Variants in KCNC2 observed in about 807,000 individuals in gnomAD.
KCNC2 encodes the protein potassium voltage-gated channel subfamily C member 2.
Under a neutral mutation model 44.5 loss-of-function variants are expected in KCNC2, and 21 were observed. That is an observed-to-expected ratio of 0.47 (90% CI 0.33 to 0.68). The LOEUF is 0.68. Among genes scored for constraint, KCNC2 ranks in the 30% least tolerant of loss-of-function variants. The probability of loss-of-function intolerance (pLI) is 0.01; values close to 1 mark genes in which losing one functional copy is unlikely to be tolerated. For synonymous variants in KCNC2, 391 were observed against 339.1 expected (o/e 1.15, Z -1.68); for missense variants, 589 against 826.2 (o/e 0.71, Z 3.52).
intron 2 of KCNC2, among the ~76,000 whole-genome samples, chr12:75,056,951 G>C (rs994809461): frequency 6.6e-6 from 1 of 151,912 alleles, no homozygotes; most frequent in South Asian, 2.1e-4. Context: ...TATATTTTTA[G>C]GAGTGGTTAT....
chr12:75,050,832 T>C lies in KCNC2; in HGVS notation c.1173A>G (p.Leu391=). Residue 391 remains leucine, a synonymous_variant, in exon 3 of 5, where the codon CTA becomes CTG. Coordinates refer to ENST00000549446, the MANE Select transcript of KCNC2 (RefSeq NM_139137.4). ...EFLLLIIFLA[L]GVLIFATMIY... Reference sequence around the variant, plus strand: ...TCATGGTAGCAAATATCAAAACTCCTAGAGCCAGGAAAATTATCAGCAGCA... The same window carrying C: ...TCATGGTAGCAAATATCAAAACTCCCAGAGCCAGGAAAATTATCAGCAGCA... 6.2e-7 allele frequency: 1 copy of C among 1,613,518 alleles called. No homozygotes were observed. The highest frequency in any genetic ancestry group is 8.5e-7 in the Non-Finnish European group (1 of 1,179,834).
At chr12:75,184,384 G>T (rs1448387168) in intron 2 of KCNC2, among the ~76,000 whole-genome samples, 1 of 152,116 alleles carries the variant, frequency 6.6e-6, no homozygotes, top group African/African-American at 2.4e-5. Context: ...ATAGATGTGG[G>T]TTGGCTAGAT....
chr12:75,136,608 A>G (rs554923255), intron 2 of KCNC2, among the ~76,000 whole-genome samples: 5 of 152,280 alleles, frequency 3.3e-5, no homozygotes, highest in African/African-American at 1.2e-4. Flanking sequence ...ACAGCCTCCC[A>G]AGATGAACCA....
intron 2 of KCNC2, among the ~76,000 whole-genome samples, chr12:75,121,947 TGACTCAGTG>T (rs62852660): frequency 1 from 152,070 of 152,076 alleles, 76,032 homozygotes; most frequent in Non-Finnish European, 1. Flanking sequence ...TCTTGAACAC[TGACTCAGTG>T]GACTCAGTGT....
intron 2 of KCNC2, among the ~76,000 whole-genome samples, chr12:75,202,942 T>A (rs1429230384): frequency 6.6e-6 from 1 of 151,710 alleles, no homozygotes; most frequent in Non-Finnish European, 1.5e-5. Flanking sequence ...AAGGATTATA[T>A]CTTCTCCATG....
intron 2 of KCNC2, among the ~76,000 whole-genome samples, chr12:75,103,869 T>C (rs542921498): frequency 3.9e-4 from 59 of 152,296 alleles, no homozygotes; most frequent in African/African-American, 1.4e-3. Context: ...TGTGAAATGG[T>C]CTCTCTCAAA....
Position 75,204,757 on chromosome 12 carries a change from C to T in KCNC2, c.687+2540G>A, listed in dbSNP as rs558733310. 1.6e-3 allele frequency among the ~76,000 whole-genome samples: 240 copies of T among 152,136 alleles called. 1 individual carries two copies. Among genetic ancestry groups the T allele is most frequent in the Non-Finnish European group, 2.8e-3 (191 of 67,940 alleles). ...TAACGTTGTCAGGTTATCATCTTAA[C>T]TAAAAGTGCTCAGGTAAAAATATTA... On this transcript the variant is annotated intron_variant, in intron 2 of 4. Transcript: ENST00000549446.
intron 2 of KCNC2, among the ~76,000 whole-genome samples, chr12:75,084,450 TG>T (rs1315002192): frequency 6.6e-6 from 1 of 151,880 alleles, no homozygotes; most frequent in Non-Finnish European, 1.5e-5. Flanking sequence ...AATTGAATCA[TG>T]GGGGTCAGTC....
Position 75,209,805 on chromosome 12 carries a change from C to G in KCNC2, c.-618G>C, listed in dbSNP as rs1250882860. ...CAACCAGGTTCACATATTTTTCTTC[C>G]GTGAAGCTCTGTCTCCACCCTCTCT... is the stretch of plus-strand genomic sequence containing the variant. On this transcript the variant is annotated 5_prime_UTR_variant, in exon 1 of 5. Coordinates refer to ENST00000549446, the MANE Select transcript of KCNC2 (RefSeq NM_139137.4). 6.6e-6 allele frequency: 1 copy of G among 152,104 alleles called. No individual in the cohort carries two copies. 9.4% of individuals were successfully genotyped at this position (152,104 alleles called of 1,614,324 possible).
intron 4 of KCNC2, among the ~76,000 whole-genome samples, chr12:75,044,232 A>T (rs1381563421): frequency 6.6e-6 from 1 of 152,054 alleles, no homozygotes; most frequent in African/African-American, 2.4e-5. Context: ...TGACTAAAAA[A>T]GTAGTCATGC....
At chr12:75,171,918 A>C (rs1400408546) in intron 2 of KCNC2, among the ~76,000 whole-genome samples, 1 of 151,798 alleles carries the variant, frequency 6.6e-6, no homozygotes, top group Non-Finnish European at 1.5e-5. Context: ...CACTTTAAAA[A>C]GGGTTTTTTA....
intron 4 of KCNC2, 39 bp downstream of exon 4, chr12:75,048,114 C>T (rs200221004): frequency 3.9e-4 from 618 of 1,579,598 alleles, no homozygotes; most frequent in Non-Finnish European, 5.1e-4. Flanking sequence ...CAGTTTATTG[C>T]TAAGTCACCT....
At chr12:75,191,420 T>C (rs1296375843) in intron 2 of KCNC2, among the ~76,000 whole-genome samples, 1 of 149,864 alleles carries the variant, frequency 6.7e-6, no homozygotes, top group African/African-American at 2.4e-5. Flanking sequence ...TTAAGAAAAC[T>C]TTTTGTTTTA....
At chr12:75,198,436 A>G (rs1177301099) in intron 2 of KCNC2, among the ~76,000 whole-genome samples, 1 of 151,754 alleles carries the variant, frequency 6.6e-6, no homozygotes, top group African/African-American at 2.4e-5. Context: ...CCCATTTCCT[A>G]CTCAGTCTAC....
intron 2 of KCNC2, among the ~76,000 whole-genome samples, chr12:75,151,972 T>TTTATATA (rs922845298): frequency 6.8e-6 from 1 of 146,302 alleles, no homozygotes; most frequent in African/African-American, 2.5e-5. Flanking sequence ...ATATTATACA[T>TTTATATA]TTATATATTA....
intron 2 of KCNC2, among the ~76,000 whole-genome samples, chr12:75,162,331 CT>C (rs1295294577): frequency 1.8e-4 from 28 of 151,682 alleles, no homozygotes; most frequent in Admixed American, 1.6e-3. Flanking sequence ...TCAAGGTCTG[CT>C]TTTTAAGTGT....
chr12:75,181,456 G>T (rs1892565211), intron 2 of KCNC2, among the ~76,000 whole-genome samples: 1 of 152,008 alleles, frequency 6.6e-6, no homozygotes, highest in Non-Finnish European at 1.5e-5. Flanking sequence ...TTTTAGCTTT[G>T]CCTTTGATTT....
At chr12:75,061,741 C>A (rs563649910) in intron 2 of KCNC2, among the ~76,000 whole-genome samples, 3 of 152,084 alleles carry the variant, frequency 2.0e-5, no homozygotes, top group South Asian at 2.1e-4. Context: ...AATGCTAATC[C>A]TAAAACTTTC....
intron 2 of KCNC2, among the ~76,000 whole-genome samples, chr12:75,092,590 G>A (rs1180314740): frequency 6.6e-6 from 1 of 151,506 alleles, no homozygotes; most frequent in Non-Finnish European, 1.5e-5. Flanking sequence ...AGGCAAATTA[G>A]ACAAAGACAT....
Sources: allele counts gnomAD v4.1 joint callset (sites outside exome capture counted in the v4.1 genomes callset), GRCh38; gene constraint gnomAD v4.1.1; transcripts MANE v1.5; gene names NCBI Gene and HGNC (gene_info 2026-07-23, HGNC 2026-07-21).